The following PGGT1B variants were observed in gnomAD, a reference collection of about 807,000 sequenced individuals.
PGGT1B encodes the protein protein geranylgeranyltransferase type I subunit beta.
Under a neutral mutation model 46.1 loss-of-function variants are expected in PGGT1B, and 30 were observed. The observed-to-expected ratio is 0.65, with a 90% CI of 0.49 to 0.88. The LOEUF (loss-of-function observed/expected upper bound fraction) is 0.88, where lower values mean the gene tolerates loss of function less well. Among genes scored for constraint, PGGT1B ranks in the 40% least tolerant of loss-of-function variants. PGGT1B has a pLI of 0.00. For synonymous variants in PGGT1B, 170 were observed against 160.0 expected, an observed-to-expected ratio of 1.06 and a Z score of -0.47; for missense variants, 376 against 455.9, an observed-to-expected ratio of 0.82 and a Z score of 1.60.
At chr5:115,238,873 C>A (rs745746156) in intron 3 of PGGT1B, among the ~76,000 whole-genome samples, 45 of 152,240 alleles carry the variant, frequency 3.0e-4, no homozygotes, top group Non-Finnish European at 4.9e-4. Context: ...AAATATCAGA[C>A]GGACCACTAG....
At position 115,208,989 on chromosome 5, in the gene PGGT1B, T is replaced by C. The variant is rs1756143061; in HGVS notation, c.*3413A>G. 6.6e-6 allele frequency: 1 copy of C among 152,062 alleles called. No individual in the cohort carries two copies. The allele number at this position is 152,062 out of a possible 1,614,324, so 9.4% of individuals were successfully genotyped here. ...ACTAACTTTGACTGGAGTTGGACTGTAATCCTGGCTCACTTACTCTTTTTT... is the reference window on the plus strand; with the variant it reads ...ACTAACTTTGACTGGAGTTGGACTGCAATCCTGGCTCACTTACTCTTTTTT... On this transcript the variant is annotated 3_prime_UTR_variant, in exon 9 of 9. Transcript: ENST00000419445.
At chr5:115,215,275 C>T (rs753173047) in intron 8 of PGGT1B, among the ~76,000 whole-genome samples, 10 of 151,846 alleles carry the variant, frequency 6.6e-5, no homozygotes, top group African/African-American at 1.5e-4. Context: ...GGATTACAGG[C>T]GTGAGCCACT....
chr5:115,212,607 T>C, intron 8 of PGGT1B, 24 bp from the exon 9 acceptor site: 1 of 1,508,304 alleles, frequency 6.6e-7, no homozygotes, highest in Non-Finnish European at 9.1e-7. Context: ...ATTTAAAACA[T>C]CATAATAGGC....
chr5:115,246,100 C>A (rs1040415924), intron 2 of PGGT1B, among the ~76,000 whole-genome samples: 1 of 152,118 alleles, frequency 6.6e-6, no homozygotes, highest in Non-Finnish European at 1.5e-5. Flanking sequence ...GCCTGTCATC[C>A]TAGCACTTTG....
intron 1 of PGGT1B, among the ~76,000 whole-genome samples, chr5:115,259,321 A>C (rs1748451655): frequency 6.6e-6 from 1 of 152,218 alleles, no homozygotes; most frequent in Non-Finnish European, 1.5e-5. Context: ...TGCATTTTTG[A>C]AAGCACATAC....
chr5:115,212,701 C>A (rs1483376441), intron 8 of PGGT1B, 118 bp from the exon 9 acceptor site: 2 of 603,444 alleles, frequency 3.3e-6, no homozygotes, highest in South Asian at 3.2e-5. Flanking sequence ...TAGAGAAATG[C>A]TAATATAGTT....
intron 1 of PGGT1B, among the ~76,000 whole-genome samples, chr5:115,259,710 A>AT (rs1190630566): frequency 1.5e-4 from 23 of 149,894 alleles, no homozygotes; most frequent in African/African-American, 4.9e-4. Context: ...AAAAAAAAAA[A>AT]GATAAGGGAG....
At chr5:115,230,521 A>C (rs1756944165) in intron 6 of PGGT1B, among the ~76,000 whole-genome samples, 2 of 152,164 alleles carry the variant, frequency 1.3e-5, no homozygotes, top group African/African-American at 4.8e-5. Flanking sequence ...GTTTGCACTG[A>C]ATATAAGCTA....
chr5:115,218,231 G>T (rs984397005), intron 7 of PGGT1B, among the ~76,000 whole-genome samples: 1 of 151,568 alleles, frequency 6.6e-6, no homozygotes, highest in African/African-American at 2.4e-5. Flanking sequence ...GTGATTTAAA[G>T]TTATGGTAAT....
intron 7 of PGGT1B, 96 bp downstream of exon 7, chr5:115,221,728 A>C: frequency 1.5e-6 from 1 of 667,052 alleles, no homozygotes; most frequent in South Asian, 3.8e-5. Flanking sequence ...GCCTAAACCT[A>C]ACAATATTTA....
chr5:115,244,896 C>T (rs924178660), intron 2 of PGGT1B, among the ~76,000 whole-genome samples: 13 of 152,108 alleles, frequency 8.5e-5, no homozygotes, highest in African/African-American at 2.7e-4. Flanking sequence ...CCAGCCTATC[C>T]TTTTATCATC....
At chr5:115,257,350 T>C (rs1196746619) in intron 1 of PGGT1B, among the ~76,000 whole-genome samples, 3 of 151,654 alleles carry the variant, frequency 2.0e-5, no homozygotes, top group African/African-American at 7.3e-5. Context: ...CCATCTCTAC[T>C]AAAAATACAA....
chr5:115,251,334 T>G (rs1316496501), intron 2 of PGGT1B, among the ~76,000 whole-genome samples: 6 of 152,076 alleles, frequency 3.9e-5, no homozygotes, highest in Non-Finnish European at 8.8e-5. Flanking sequence ...AATATGAAAC[T>G]CCAGATAATA....
intron 8 of PGGT1B, among the ~76,000 whole-genome samples, chr5:115,214,295 T>C (rs1272475933): frequency 1.3e-5 from 2 of 149,800 alleles, no homozygotes; most frequent in African/African-American, 4.8e-5. Context: ...AGCCTCAAAT[T>C]GTGTTTTTAA....
rs1303626464 is a variant in PGGT1B, at chr5:115,211,859, A to T, written c.*543T>A. ...TTAACTTCATTTATATAGGCCACAC[A>T]GGTTTAATTGGCACACTTTACTTAA... On this transcript the variant is annotated 3_prime_UTR_variant, in exon 9 of 9. Coordinates refer to ENST00000419445, the MANE Select transcript of PGGT1B (RefSeq NM_005023.4). 2 of 153,496 alleles carry T rather than the reference A, an allele frequency of 1.3e-5. No homozygotes were observed. The highest frequency in any genetic ancestry group is 2.9e-5 in the Non-Finnish European group (2 of 68,676). The allele number at this position is 153,496 out of a possible 1,614,324, so 9.5% of individuals were successfully genotyped here.
intron 2 of PGGT1B, among the ~76,000 whole-genome samples, chr5:115,251,570 A>G (rs910214059): frequency 6.6e-6 from 1 of 152,122 alleles, no homozygotes; most frequent in Non-Finnish European, 1.5e-5. Context: ...CATGGTGAGT[A>G]AGTGACCAAT....
intron 6 of PGGT1B, 103 bp from the exon 7 acceptor site, chr5:115,222,111 T>G (rs879315378): frequency 5.3e-6 from 3 of 567,738 alleles, no homozygotes; most frequent in Non-Finnish European, 8.6e-6. Flanking sequence ...TTCTAGAAAA[T>G]AGTGAAATAA....
intron 1 of PGGT1B, among the ~76,000 whole-genome samples, chr5:115,259,800 G>A (rs1051190086): frequency 1.3e-5 from 2 of 151,984 alleles, no homozygotes; most frequent in Admixed American, 6.6e-5. Flanking sequence ...AAAATAGAGG[G>A]ACATGAGAAT....
chr5:115,257,707 CCAAGTGTCTTAAA>C (rs1290802247), intron 1 of PGGT1B, among the ~76,000 whole-genome samples: 4 of 152,130 alleles, frequency 2.6e-5, no homozygotes, highest in African/African-American at 7.2e-5. Context: ...CCATCCTTTA[CCAAGTGTCTTAAA>C]CAAGTGTCTT....
Sources: allele counts gnomAD v4.1 joint callset (sites outside exome capture counted in the v4.1 genomes callset), GRCh38; gene constraint gnomAD v4.1.1; transcripts MANE v1.5; gene names NCBI Gene and HGNC (gene_info 2026-07-23, HGNC 2026-07-21).